Variants in SPON1 observed in about 807,000 individuals in gnomAD.
SPON1 encodes the protein spondin 1.
Under a neutral mutation model 111.7 loss-of-function variants are expected in SPON1, and 52 were observed. That is an observed-to-expected ratio of 0.47 (90% CI 0.37 to 0.59). SPON1 has a LOEUF of 0.59. Among genes scored for constraint, SPON1 ranks in the 20% least tolerant of loss-of-function variants. SPON1 has a pLI of 0.00. For missense variants in SPON1, 957 were observed against 1,068.5 expected (o/e 0.90, Z 1.46); for synonymous variants, 410 against 395.8 (o/e 1.04, Z -0.43).
chr11:14,128,504 A>C (rs1847489067), intron 5 of SPON1, among the ~76,000 whole-genome samples: 1 of 152,212 alleles, frequency 6.6e-6, no homozygotes, highest in Non-Finnish European at 1.5e-5. Context: ...TCCACCCCTG[A>C]GGCTCTGCAG....
Position 14,254,822 on chromosome 11 carries a change from C to T in SPON1, c.1092+93C>T, listed in dbSNP as rs1849089219. ...GAGGGGATCTGTCCCAGGCTCTGTC[C>T]TAGGTGAACTTTCAGTCTGGCTGGG... On this transcript the variant is annotated intron_variant, in intron 8 of 15. Coordinates refer to ENST00000576479, the MANE Select transcript of SPON1 (RefSeq NM_006108.4). The T allele has an allele frequency of 7.9e-6, 10 of 1,270,444 alleles. No homozygotes were observed. In the South Asian group the frequency reaches 1.4e-4, roughly 18 times the overall value. 78.7% of individuals were successfully genotyped at this position (1,270,444 alleles called of 1,614,324 possible).
chr11:13,989,444 TA>T (rs1554910831), intron 2 of SPON1, among the ~76,000 whole-genome samples: 2 of 152,002 alleles, frequency 1.3e-5, no homozygotes, highest in African/African-American at 4.8e-5. Flanking sequence ...CTCTTTTCTT[TA>T]TTAGTCTGGC....
intron 2 of SPON1, among the ~76,000 whole-genome samples, chr11:14,018,512 A>G (rs1356997022): frequency 6.6e-6 from 1 of 152,222 alleles, no homozygotes; most frequent in African/African-American, 2.4e-5. Flanking sequence ...TGAGTTTGAA[A>G]TATTGTATCC....
chr11:14,001,423 A>C (rs1554912430), intron 2 of SPON1, among the ~76,000 whole-genome samples: 3 of 152,312 alleles, frequency 2.0e-5, no homozygotes, highest in Admixed American at 6.5e-5. Context: ...CTCCCTAACA[A>C]GGTCTGCCCT....
At chr11:14,201,568 T>C (rs1848464514) in intron 6 of SPON1, among the ~76,000 whole-genome samples, 1 of 151,926 alleles carries the variant, frequency 6.6e-6, no homozygotes, top group Non-Finnish European at 1.5e-5. Flanking sequence ...CTGGCTATTT[T>C]CTTATTTTTA....
intron 6 of SPON1, among the ~76,000 whole-genome samples, chr11:14,138,563 C>G (rs1847618675): frequency 6.6e-6 from 1 of 151,938 alleles, no homozygotes; most frequent in African/African-American, 2.4e-5. Context: ...CACCTGGGGA[C>G]TGGGAATTAG....
intron 1 of SPON1, among the ~76,000 whole-genome samples, chr11:13,975,558 A>G (rs1848096424): frequency 6.6e-6 from 1 of 152,168 alleles, no homozygotes; most frequent in South Asian, 2.1e-4. Flanking sequence ...ATAAACACGT[A>G]TGGAACTGAA....
chr11:14,090,823 G>GCCCCCC (rs1360339677), intron 5 of SPON1, among the ~76,000 whole-genome samples: 4 of 27,056 alleles, frequency 1.5e-4, no homozygotes, highest in African/African-American at 8.0e-4. Flanking sequence ...TCTCTTATCT[G>GCCCCCC]GCCCCCCCCC....
intron 5 of SPON1, among the ~76,000 whole-genome samples, chr11:14,089,777 C>T (rs1330642758): frequency 6.6e-6 from 1 of 152,164 alleles, no homozygotes; most frequent in Non-Finnish European, 1.5e-5. Flanking sequence ...GGTGATCTGT[C>T]TCAGGGAGAG....
intron 5 of SPON1, among the ~76,000 whole-genome samples, chr11:14,087,584 A>C (rs1444779653): frequency 6.6e-6 from 1 of 152,186 alleles, no homozygotes; most frequent in Non-Finnish European, 1.5e-5. Flanking sequence ...CAATTTTAGA[A>C]TAAGTGCTAA....
chr11:14,022,731 A>G (rs1554914889), intron 2 of SPON1, among the ~76,000 whole-genome samples: 1 of 152,254 alleles, frequency 6.6e-6, no homozygotes, highest in Admixed American at 6.5e-5. Context: ...GTTCATCTAA[A>G]AAATCAAGCA....
At chr11:13,997,320 G>C (rs1381870579) in intron 2 of SPON1, among the ~76,000 whole-genome samples, 1 of 152,188 alleles carries the variant, frequency 6.6e-6, no homozygotes, top group Admixed American at 6.5e-5. Context: ...TATGTGGAAA[G>C]ACTTTGGGTT....
At chr11:14,230,764 TTTCC>T (rs57121403) in intron 6 of SPON1, among the ~76,000 whole-genome samples, 10 of 112,532 alleles carry the variant, frequency 8.9e-5, no homozygotes, top group East Asian at 6.5e-4. Flanking sequence ...TCTCTCTCTC[TTTCC>T]TTCCTTCCTT....
intron 3 of SPON1, among the ~76,000 whole-genome samples, chr11:14,068,707 T>C (rs1218991361): frequency 6.6e-6 from 1 of 152,174 alleles, no homozygotes; most frequent in Non-Finnish European, 1.5e-5. Flanking sequence ...TCAACCTCAT[T>C]TCTACCAACA....
At chr11:14,121,154 G>A (rs782811583) in intron 5 of SPON1, among the ~76,000 whole-genome samples, 3 of 152,196 alleles carry the variant, frequency 2.0e-5, no homozygotes, top group Non-Finnish European at 2.9e-5. Flanking sequence ...AGGTTGCCAA[G>A]GGCTGGGAGT....
intron 1 of SPON1, among the ~76,000 whole-genome samples, chr11:13,976,037 T>C (rs782765005): frequency 2.6e-5 from 4 of 152,192 alleles, no homozygotes; most frequent in Non-Finnish European, 5.9e-5. Flanking sequence ...GGGATAAATA[T>C]TTATTTAACT....
At chr11:14,028,258 G>A (rs2133807114) in intron 2 of SPON1, among the ~76,000 whole-genome samples, 1 of 152,170 alleles carries the variant, frequency 6.6e-6, no homozygotes, top group South Asian at 2.1e-4. Flanking sequence ...GAGGCAGGAG[G>A]ATTGCTTGAA....
chr11:14,262,792 C>G lies in SPON1; in HGVS notation c.2077C>G (p.Arg693Gly). ...SCGKGHVIRTRMIQMEPQFGG... is the reference protein window; with the variant it reads ...SCGKGHVIRTGMIQMEPQFGG... ...TGGGAAAGGCCACGTGATTCGAACCCGGATGATCCAAATGGAGCCTCAGTT... is the reference window on the plus strand; with the variant it reads ...TGGGAAAGGCCACGTGATTCGAACCGGGATGATCCAAATGGAGCCTCAGTT... The change falls in exon 15 of 16, where the codon CGG becomes GGG. Residue 693 changes from arginine (R) to glycine (G), a missense_variant. By Grantham distance (125) the Arg-to-Gly change is moderately radical. Transcript: ENST00000576479. 6.2e-7 allele frequency: 1 copy of G among 1,613,872 alleles called. No individual in the cohort carries two copies. The highest frequency in any genetic ancestry group is 8.5e-7 in the Non-Finnish European group (1 of 1,179,868).
At chr11:14,072,605 G>T (rs1391823773) in intron 3 of SPON1, among the ~76,000 whole-genome samples, 2 of 152,098 alleles carry the variant, frequency 1.3e-5, no homozygotes, top group Non-Finnish European at 2.9e-5. Flanking sequence ...GGGAAGCTTG[G>T]CCCAAAGTGA....
Sources: allele counts gnomAD v4.1 joint callset (sites outside exome capture counted in the v4.1 genomes callset), GRCh38; gene constraint gnomAD v4.1.1; transcripts MANE v1.5; gene names NCBI Gene and HGNC (gene_info 2026-07-23, HGNC 2026-07-21).